Variants in MYO16 observed in about 807,000 individuals in gnomAD.
MYO16 encodes the protein myosin XVI, also known as unconventional myosin-XVI.
Under a neutral mutation model 205.3 loss-of-function variants are expected in MYO16, and 94 were observed. That is an observed-to-expected ratio of 0.46 (90% CI 0.39 to 0.54). MYO16 has a LOEUF of 0.54. Among genes scored for constraint, MYO16 ranks in the 20% least tolerant of loss-of-function variants. MYO16 has a pLI of 0.00. For missense variants in MYO16, 2,315 were observed against 2,387.5 expected (o/e 0.97, Z 0.63); for synonymous variants, 988 against 954.0 (o/e 1.04, Z -0.66).
intron 14 of MYO16, among the ~76,000 whole-genome samples, chr13:108,891,002 G>C (rs1206979795): frequency 6.6e-6 from 1 of 152,166 alleles, no homozygotes; most frequent in Non-Finnish European, 1.5e-5. Context: ...CCCAGTGCCT[G>C]TCCCTGGAAT....
chr13:109,040,038 T>C (rs548651519), intron 23 of MYO16, among the ~76,000 whole-genome samples: 8 of 152,208 alleles, frequency 5.3e-5, no homozygotes, highest in Non-Finnish European at 8.8e-5. Flanking sequence ...ACAAAGGGAA[T>C]ATTACAAACA....
At chr13:108,768,801 T>A (rs934759865) in intron 4 of MYO16, among the ~76,000 whole-genome samples, 1 of 152,142 alleles carries the variant, frequency 6.6e-6, no homozygotes, top group African/African-American at 2.4e-5. Context: ...CCAAACAGCT[T>A]GGGCTTAAAA....
intron 34 of MYO16, among the ~76,000 whole-genome samples, chr13:109,186,605 T>C (rs936355567): frequency 2.0e-5 from 3 of 151,304 alleles, no homozygotes; most frequent in African/African-American, 7.3e-5. Context: ...TCTATAAGCT[T>C]TTCAACACAC....
At chr13:108,830,287 G>A (rs917294307) in intron 9 of MYO16, among the ~76,000 whole-genome samples, 15 of 117,364 alleles carry the variant, frequency 1.3e-4, no homozygotes, top group African/African-American at 4.2e-4. Context: ...TATAAATCAT[G>A]CTGCTATAAA....
chr13:108,879,976 A>G (rs888830193), intron 12 of MYO16, among the ~76,000 whole-genome samples: 1 of 152,162 alleles, frequency 6.6e-6, no homozygotes, highest in African/African-American at 2.4e-5. Context: ...ACAGTCCCAC[A>G]AACAGTGTAA....
chr13:108,887,453 C>T (rs1432627656), intron 13 of MYO16, among the ~76,000 whole-genome samples: 1 of 152,126 alleles, frequency 6.6e-6, no homozygotes, highest in African/African-American at 2.4e-5. Flanking sequence ...AATTTTTCAT[C>T]TGGATGAAGT....
chr13:108,918,954 CAA>C (rs10585137), intron 16 of MYO16, among the ~76,000 whole-genome samples: 66,669 of 139,918 alleles, frequency 0.48, 15,772 homozygotes, highest in East Asian at 0.6. Context: ...GAAAACAGAA[CAA>C]AAAAAAAAAA....
chr13:109,119,855 C>A (rs938416864), intron 28 of MYO16, among the ~76,000 whole-genome samples: 1 of 152,122 alleles, frequency 6.6e-6, no homozygotes, highest in African/African-American at 2.4e-5. Context: ...TTCTGAAGTT[C>A]TATAATTGCA....
chr13:108,789,025 C>A (rs1482496302), intron 5 of MYO16, among the ~76,000 whole-genome samples: 2 of 152,170 alleles, frequency 1.3e-5, no homozygotes, highest in East Asian at 3.9e-4. Context: ...TGTGTTGTTA[C>A]CACTTGCTGG....
chr13:108,521,637 G>A, the MYO16 span, among the ~76,000 whole-genome samples: 1 of 152,132 alleles, frequency 6.6e-6, no homozygotes, highest in Non-Finnish European at 1.5e-5. Context: ...AAACTGATAA[G>A]TGTGCTCTTT....
intron 33 of MYO16, among the ~76,000 whole-genome samples, chr13:109,169,501 T>C (rs1228522837): frequency 2.0e-5 from 3 of 151,990 alleles, no homozygotes; most frequent in East Asian, 3.9e-4. Context: ...TTGGCACAAA[T>C]AACAGATTTT....
intron 1 of MYO16, 118 bp from the exon 2 acceptor site, chr13:108,665,768 G>A (rs1881694298): frequency 3.8e-6 from 4 of 1,062,204 alleles, no homozygotes; most frequent in Non-Finnish European, 5.1e-6. Context: ...CAAGTGCAAG[G>A]AGAATTGTTG....
chr13:108,947,195 G>A (rs1375407472), intron 16 of MYO16, among the ~76,000 whole-genome samples: 1 of 152,178 alleles, frequency 6.6e-6, no homozygotes, highest in Non-Finnish European at 1.5e-5. Flanking sequence ...CGGTATTTAA[G>A]ACACAGGGTT....
chr13:109,201,332 T>G (rs1250393308), intron 34 of MYO16: 2 of 152,084 alleles, frequency 1.3e-5, no homozygotes, highest in African/African-American at 4.8e-5. Flanking sequence ...TAACAAGGTT[T>G]TGCAGCTATT....
Position 109,207,017 on chromosome 13 carries a change from T to C in MYO16, c.*181T>C, listed in dbSNP as rs903190967. 1.1e-5 allele frequency: 6 copies of C among 564,858 alleles called. No individual in the cohort carries two copies. The South Asian group carries it at 1.3e-4, about 13-fold the overall frequency. 35.0% of individuals were successfully genotyped at this position (564,858 alleles called of 1,614,324 possible). A position where few individuals can be genotyped will look rare whatever the true frequency, so the allele number is the denominator to read the frequency against. ...GTGTGTGTGTGTGTTTGTGTGTGTG[T>C]GTGTGGGTTCTTTCTTATCCATCTC... On this transcript the variant is annotated 3_prime_UTR_variant, in exon 35 of 35. Coordinates refer to ENST00000457511, the MANE Select transcript of MYO16 (RefSeq NM_001198950.3).
chr13:108,935,848 G>T (rs1882455321), intron 16 of MYO16, among the ~76,000 whole-genome samples: 1 of 151,490 alleles, frequency 6.6e-6, no homozygotes, highest in Non-Finnish European at 1.5e-5. Flanking sequence ...AGGGATGTTG[G>T]ATTTTATCAG....
chr13:108,961,327 T>C (rs56233066), intron 17 of MYO16, among the ~76,000 whole-genome samples: 6,444 of 152,298 alleles, frequency 0.042, 200 homozygotes, highest in Admixed American at 0.068. Flanking sequence ...GGAACATTGA[T>C]TTAGAGAAAA....
At chr13:108,529,007 C>G in the MYO16 span, among the ~76,000 whole-genome samples, 1 of 151,956 alleles carries the variant, frequency 6.6e-6, no homozygotes, top group Admixed American at 6.5e-5. Context: ...CATTCCCTTT[C>G]ATCTCTCTCT....
At chr13:108,994,775 A>G (rs969931915) in intron 21 of MYO16, among the ~76,000 whole-genome samples, 2 of 152,218 alleles carry the variant, frequency 1.3e-5, no homozygotes, top group Admixed American at 1.3e-4. Context: ...AGTTCAACGA[A>G]CATGTTTTCA....
Sources: allele counts gnomAD v4.1 joint callset (sites outside exome capture counted in the v4.1 genomes callset), GRCh38; gene constraint gnomAD v4.1.1; transcripts MANE v1.5; gene names NCBI Gene and HGNC (gene_info 2026-07-23, HGNC 2026-07-21).